The following BRCA1 variants were observed in gnomAD, a reference collection of about 807,000 sequenced individuals.
BRCA1 encodes BRCA1 DNA repair associated.
BRCA1 carries 140 observed loss-of-function variants against 173.7 expected under a neutral mutation model. That is an observed-to-expected ratio of 0.81 (90% CI 0.70 to 0.93). The LOEUF (loss-of-function observed/expected upper bound fraction) is 0.93. Ranked by LOEUF, BRCA1 falls within the 40% of genes least tolerant of loss-of-function variation. BRCA1 has a pLI of 0.00. For synonymous variants in BRCA1, 662 were observed against 756.0 expected, an observed-to-expected ratio of 0.88 and a Z score of 2.04; for missense variants, 1,983 against 2,172.5, an observed-to-expected ratio of 0.91 and a Z score of 1.73.
At chr17:43,169,710 C>T (rs1466529561) in intron 1 of BRCA1, among the ~76,000 whole-genome samples, 2 of 152,012 alleles carry the variant, frequency 1.3e-5, no homozygotes, top group South Asian at 2.1e-4. Flanking sequence ...CCGCCCGTCC[C>T]CCGGAGCATC....
intron 1 of BRCA1, among the ~76,000 whole-genome samples, chr17:43,136,830 GT>G (rs1180457371): frequency 3.3e-5 from 5 of 152,206 alleles, no homozygotes; most frequent in Non-Finnish European, 7.3e-5. Context: ...TACGCCATTG[GT>G]GGGACTGTAA....
intron 3 of BRCA1, among the ~76,000 whole-genome samples, chr17:43,109,898 C>CT (rs879354024): frequency 0.012 from 1,694 of 141,632 alleles, 37 homozygotes; most frequent in African/African-American, 0.038. Flanking sequence ...GGATTCGAAT[C>CT]TTTTTTTTTT....
intron 1 of BRCA1, among the ~76,000 whole-genome samples, chr17:43,169,717 C>T (rs992987203): frequency 2.0e-5 from 3 of 151,916 alleles, no homozygotes; most frequent in Non-Finnish European, 4.4e-5. Flanking sequence ...TCCCCCGGAG[C>T]ATCCCTTGGG....
At chr17:43,061,887 T>C (rs2051776605) in intron 18 of BRCA1, among the ~76,000 whole-genome samples, 2 of 152,108 alleles carry the variant, frequency 1.3e-5, no homozygotes, top group East Asian at 1.9e-4. Flanking sequence ...GCCTGGCCTA[T>C]AAAATTACTT....
intron 11 of BRCA1, among the ~76,000 whole-genome samples, chr17:43,089,322 CA>C (rs951333896): frequency 7.7e-5 from 11 of 143,016 alleles, no homozygotes; most frequent in African/African-American, 5.1e-5. Context: ...AACTCCATCT[CA>C]AAAAAAAAAA....
chr17:43,165,848 A>G (rs2056263303), intron 1 of BRCA1: 1 of 151,806 alleles, frequency 6.6e-6, no homozygotes, highest in Non-Finnish European at 1.5e-5. Flanking sequence ...ACTTTTAGCA[A>G]ACTTTAGTTG....
In BRCA1 at chr17:43,044,561, C is replaced by T. The variant is rs571007748; in HGVS notation, c.*1117G>A. On this transcript the variant is annotated 3_prime_UTR_variant, in exon 23 of 23. Transcript: ENST00000357654. ...TCACCTCAAAGAAAGCAACAGCTTCCTTCCTGGTGGGATCTGTCATTTTAT... is the reference window on the plus strand; with the variant it reads ...TCACCTCAAAGAAAGCAACAGCTTCTTTCCTGGTGGGATCTGTCATTTTAT... The T allele has an allele frequency of 5.9e-6, 3 of 506,078 alleles. No individual in the cohort carries two copies. Among genetic ancestry groups the T allele is most frequent in the South Asian group, 4.6e-5 (3 of 64,890 alleles). The allele number at this position is 506,078 out of a possible 1,614,324, so 31.3% of individuals were successfully genotyped here. A position where few individuals can be genotyped will look rare whatever the true frequency, so the allele number is the denominator to read the frequency against.
chr17:43,156,604 C>A (rs2056198843), intron 1 of BRCA1, among the ~76,000 whole-genome samples: 1 of 152,084 alleles, frequency 6.6e-6, no homozygotes, highest in Non-Finnish European at 1.5e-5. Context: ...AAAAGAAAAA[C>A]AACCTTGACA....
intron 1 of BRCA1, among the ~76,000 whole-genome samples, chr17:43,134,740 TCTCA>T (rs1344199780): frequency 6.6e-6 from 1 of 152,132 alleles, no homozygotes; most frequent in East Asian, 1.9e-4. Flanking sequence ...AAAGGGAGGT[TCTCA>T]CTCCTGGAGA....
At chr17:43,159,174 C>T (rs1480454086) in intron 1 of BRCA1, among the ~76,000 whole-genome samples, 1 of 152,244 alleles carries the variant, frequency 6.6e-6, no homozygotes, top group Non-Finnish European at 1.5e-5. Context: ...TCGCTTGAGC[C>T]TGGCGAGGTT....
chr17:43,079,234 C>T, intron 12 of BRCA1: 1 of 898,090 alleles, frequency 1.1e-6, no homozygotes. Context: ...GGCTCAGATA[C>T]AAACACAGCT....
In BRCA1 at chr17:43,050,985, G is replaced by A. The variant is rs273901763; in HGVS notation, c.5332+78C>T. The A allele has an allele frequency of 5.1e-5, 72 of 1,410,958 alleles. No homozygotes were observed. The highest frequency in any genetic ancestry group is 5.1e-4 in the African/African-American group (36 of 70,704). 87.4% of individuals were successfully genotyped at this position (1,410,958 alleles called of 1,614,324 possible). On this transcript the variant is annotated intron_variant, in intron 20 of 22. Transcript: ENST00000357654. ...TTCAGCAATCTGAGGAACCCCCATC[G>A]TGGGATCTTGCTTATAATACTCCAC... is the stretch of plus-strand genomic sequence containing the variant.
chr17:43,075,561 T>A (rs1483355437), intron 13 of BRCA1, among the ~76,000 whole-genome samples: 1 of 151,582 alleles, frequency 6.6e-6, no homozygotes, highest in Non-Finnish European at 1.5e-5. Context: ...CTGCTCTCTC[T>A]CTCTTTTTTT....
intron 22 of BRCA1, 87 bp from the exon 23 acceptor site, chr17:43,045,889 T>A (rs2152633886): frequency 1.3e-6 from 2 of 1,571,576 alleles, no homozygotes; most frequent in Non-Finnish European, 1.7e-6. Context: ...GTCCTGGTTG[T>A]ATGAGTTCTT....
At chr17:43,120,992 C>T (rs1489419950) in intron 2 of BRCA1, among the ~76,000 whole-genome samples, 1 of 150,874 alleles carries the variant, frequency 6.6e-6, no homozygotes, top group Non-Finnish European at 1.5e-5. Flanking sequence ...TGAACTTGAA[C>T]CTGGCAGGCG....
At chr17:43,151,492 C>A (rs936325363) in intron 1 of BRCA1, among the ~76,000 whole-genome samples, 1 of 151,978 alleles carries the variant, frequency 6.6e-6, no homozygotes, top group African/African-American at 2.4e-5. Context: ...TCAAAAAAAA[C>A]AAAAACAAAA....
At chr17:43,120,839 G>T (rs1323113399) in intron 2 of BRCA1, among the ~76,000 whole-genome samples, 1 of 152,188 alleles carries the variant, frequency 6.6e-6, no homozygotes, top group African/African-American at 2.4e-5. Context: ...GGCCGAGGCG[G>T]GTGGATCACG....
chr17:43,145,096 C>T (rs1402640175), intron 1 of BRCA1: 1 of 746,498 alleles, frequency 1.3e-6, no homozygotes, highest in Admixed American at 1.8e-5. Flanking sequence ...AATTTTCAGA[C>T]ACAAAAGTGC....
At chr17:43,148,496 G>A (rs1238237227) in intron 1 of BRCA1, 1 of 152,174 alleles carries the variant, frequency 6.6e-6, no homozygotes, top group Non-Finnish European at 1.5e-5. Flanking sequence ...GGCAGGGGTG[G>A]GGGTAACAAG....
Sources: allele counts gnomAD v4.1 joint callset (sites outside exome capture counted in the v4.1 genomes callset), GRCh38; gene constraint gnomAD v4.1.1; transcripts MANE v1.5; gene names NCBI Gene and HGNC (gene_info 2026-07-23, HGNC 2026-07-21).